Variants in NHSL2 observed in about 807,000 individuals in gnomAD.
NHSL2 encodes NHS-like protein 2.
NHSL2 carries 27 observed loss-of-function variants against 53.4 expected under a neutral mutation model. The ratio of observed to expected loss-of-function variants is 0.51; its 90% CI spans 0.37 to 0.70. The LOEUF (loss-of-function observed/expected upper bound fraction) is 0.70, where lower values mean the gene tolerates loss of function less well. NHSL2 is among the 30% of genes least tolerant of loss of function. The pLI is 0.00. For synonymous variants in NHSL2, 408 were observed against 404.1 expected (o/e 1.01, Z -0.12); for missense variants, 892 against 980.1 (o/e 0.91, Z 1.20).
chrX:71,967,300 T>C (rs184225653), intron 1 of NHSL2, among the ~76,000 whole-genome samples: 2 of 111,748 alleles, frequency 1.8e-5, no homozygotes, highest in East Asian at 5.6e-4. Flanking sequence ...ATTTCTGCCC[T>C]AATTTTTATT....
intron 1 of NHSL2, among the ~76,000 whole-genome samples, chrX:72,084,294 G>T (rs992231422): frequency 8.9e-6 from 1 of 112,381 alleles, no homozygotes; most frequent in African/African-American, 3.2e-5. Flanking sequence ...ACTTGGAATT[G>T]AGGCTTTCCA....
chrX:71,962,044 TTTTG>T (rs1304717302), intron 1 of NHSL2, among the ~76,000 whole-genome samples: 1 of 112,307 alleles, frequency 8.9e-6, no homozygotes, highest in African/African-American at 3.2e-5. Context: ...GAATTTTGTT[TTTTG>T]TTTGTTTTGC....
intron 1 of NHSL2, among the ~76,000 whole-genome samples, chrX:71,912,064 C>T (rs1167284755): frequency 2.7e-5 from 3 of 112,419 alleles, no homozygotes. Flanking sequence ...CTGTTATTTG[C>T]TGGAGAGAAT....
At position 72,147,167 on chromosome X, in the gene NHSL2, A is replaced by G. The variant is rs1296925763; in HGVS notation, c.*3593A>G. The G allele has an allele frequency of 1.8e-5, 2 of 112,116 alleles. No individual in the cohort carries two copies. The highest frequency in any genetic ancestry group is 6.5e-5 in the African/African-American group (2 of 30,811). 9.2% of individuals were successfully genotyped at this position (112,116 alleles called of 1,213,427 possible). A position where few individuals can be genotyped will look rare whatever the true frequency, so the allele number is the denominator to read the frequency against. Reference sequence around the variant, plus strand: ...CTTCCTCATCAATGAACAAGTTGGGAAAAAGATGAGTTCATGCTCAGTGCT... The same window carrying G: ...CTTCCTCATCAATGAACAAGTTGGGGAAAAGATGAGTTCATGCTCAGTGCT... On this transcript the variant is annotated 3_prime_UTR_variant, in exon 8 of 8. Coordinates refer to ENST00000633930, the MANE Select transcript of NHSL2 (RefSeq NM_001013627.3).
chrX:72,142,389 A>C (rs1313419240), intron 7 of NHSL2, 25 bp downstream of exon 7: 1 of 1,061,003 alleles, frequency 9.4e-7, no homozygotes, highest in Admixed American at 2.9e-5. Flanking sequence ...CCTTAATTCT[A>C]ATTGCAATTG....
intron 1 of NHSL2, among the ~76,000 whole-genome samples, chrX:71,968,887 C>G (rs1016969324): frequency 8.9e-6 from 1 of 112,180 alleles, no homozygotes; most frequent in African/African-American, 3.2e-5. Flanking sequence ...ATCTAAATAT[C>G]TAGTCTTGTG....
chrX:72,011,806 G>A (rs1163859656), intron 1 of NHSL2, among the ~76,000 whole-genome samples: 20 of 111,996 alleles, frequency 1.8e-4, no homozygotes, highest in Non-Finnish European at 5.6e-5. Context: ...CCTTTTAGCC[G>A]TTCTTCTCTA....
intron 1 of NHSL2, among the ~76,000 whole-genome samples, chrX:71,969,222 GAAGT>G (rs1282856420): frequency 2.8e-5 from 3 of 108,702 alleles, no homozygotes; most frequent in Non-Finnish European, 3.8e-5. Flanking sequence ...TCTAGTTTTC[GAAGT>G]AAGAAATTTT....
intron 1 of NHSL2, among the ~76,000 whole-genome samples, chrX:72,090,948 T>C (rs1433302181): frequency 8.9e-6 from 1 of 112,213 alleles, no homozygotes; most frequent in Non-Finnish European, 1.9e-5. Context: ...ATATCTTAGC[T>C]ACATAATTAT....
chrX:71,987,104 G>A (rs192418180), intron 1 of NHSL2, among the ~76,000 whole-genome samples: 2 of 111,605 alleles, frequency 1.8e-5, no homozygotes, highest in Non-Finnish European at 3.8e-5. Flanking sequence ...CCAGCTACTC[G>A]GGAGGCTGAG....
At chrX:71,992,860 C>T (rs1003510657) in intron 1 of NHSL2, among the ~76,000 whole-genome samples, 1 of 111,548 alleles carries the variant, frequency 9.0e-6, no homozygotes, top group Non-Finnish European at 1.9e-5. Flanking sequence ...GTGAACACAG[C>T]GGGACATGAT....
chrX:71,994,988 TCAAAC>T (rs1477191388), intron 1 of NHSL2, among the ~76,000 whole-genome samples: 1 of 111,516 alleles, frequency 9.0e-6, no homozygotes, highest in East Asian at 2.8e-4. Context: ...CTTGACCTAT[TCAAAC>T]CAGACCCCTG....
intron 1 of NHSL2, among the ~76,000 whole-genome samples, chrX:71,967,169 T>C (rs1010294224): frequency 1.8e-5 from 2 of 111,509 alleles, no homozygotes; most frequent in Non-Finnish European, 3.8e-5. Flanking sequence ...TATTAGTCAT[T>C]TGTGTTCTCT....
At chrX:71,918,530 T>C (rs1371365799) in intron 1 of NHSL2, among the ~76,000 whole-genome samples, 1 of 111,397 alleles carries the variant, frequency 9.0e-6, no homozygotes, top group Non-Finnish European at 1.9e-5. Flanking sequence ...ACTCAAATTA[T>C]TCCCCCAGAC....
chrX:72,085,492 A>G (rs1021849420), intron 1 of NHSL2, among the ~76,000 whole-genome samples: 1 of 111,584 alleles, frequency 9.0e-6, no homozygotes, highest in Non-Finnish European at 1.9e-5. Flanking sequence ...CATTGCACTC[A>G]TCTGCTCTTC....
chrX:71,919,854 G>A (rs1293371290), intron 1 of NHSL2, among the ~76,000 whole-genome samples: 2 of 112,641 alleles, frequency 1.8e-5, no homozygotes, highest in Non-Finnish European at 3.8e-5. Flanking sequence ...GAGGATGGAT[G>A]CAAGCCGCAT....
intron 1 of NHSL2, among the ~76,000 whole-genome samples, chrX:71,956,112 A>T (rs1199767688): frequency 9.0e-6 from 1 of 111,470 alleles, no homozygotes; most frequent in Non-Finnish European, 1.9e-5. Flanking sequence ...GCCACATTAG[A>T]CTCAGACCCT....
intron 1 of NHSL2, among the ~76,000 whole-genome samples, chrX:72,107,217 A>C (rs2042051148): frequency 9.0e-6 from 1 of 110,741 alleles, no homozygotes; most frequent in Non-Finnish European, 1.9e-5. Flanking sequence ...AGGTCAGGAG[A>C]TGGAGACCAT....
chrX:72,070,203 C>T (rs1484047326), intron 1 of NHSL2, among the ~76,000 whole-genome samples: 1 of 104,393 alleles, frequency 9.6e-6, no homozygotes, highest in East Asian at 3.2e-4. Context: ...TACACCTACA[C>T]CTCTCCTGGC....
Sources: allele counts gnomAD v4.1 joint callset (sites outside exome capture counted in the v4.1 genomes callset), GRCh38; gene constraint gnomAD v4.1.1; transcripts MANE v1.5; gene names NCBI Gene and HGNC (gene_info 2026-07-23, HGNC 2026-07-21).